The following RRP1B variants were observed in gnomAD, a reference collection of about 807,000 sequenced individuals.
RRP1B encodes ribosomal RNA processing 1B, also known as ribosomal RNA processing protein 1 homolog B.
In RRP1B, 56 loss-of-function variants were observed where a neutral mutation model predicts 80.2. The ratio of observed to expected loss-of-function variants is 0.70; its 90% CI spans 0.56 to 0.87. The LOEUF (loss-of-function observed/expected upper bound fraction) is 0.87. Among genes scored for constraint, RRP1B ranks in the 40% least tolerant of loss-of-function variants. RRP1B has a pLI of 0.00. For missense variants in RRP1B, 807 were observed against 939.8 expected (o/e 0.86, Z 1.85); for synonymous variants, 351 against 357.6 (o/e 0.98, Z 0.21).
At chr21:43,686,780 A>T in intron 11 of RRP1B, 24 bp from the exon 12 acceptor site, 1 of 1,613,484 alleles carries the variant, frequency 6.2e-7, no homozygotes, top group Non-Finnish European at 8.5e-7. Context: ...GGGGAAGCTA[A>T]CAGTGTGTCA....
rs2083065155 is a variant in RRP1B, at chr21:43,686,869, A to G, written c.1075A>G (p.Ser359Gly). 6.2e-7 allele frequency: 1 copy of G among 1,613,924 alleles called. No homozygotes were observed. Among genetic ancestry groups the G allele is most frequent in the African/African-American group, 1.3e-5 (1 of 74,922 alleles). ...ISADEDDQILSQGKHKKKGNK... is the reference protein window; with the variant it reads ...ISADEDDQILGQGKHKKKGNK... ...TGCTGATGAAGATGACCAAATCCTCAGTCAAGGAAAGCATAAGAAGAAAGG... is the reference window on the plus strand; with the variant it reads ...TGCTGATGAAGATGACCAAATCCTCGGTCAAGGAAAGCATAAGAAGAAAGG... Residue 359 changes from serine to glycine, a missense_variant, in exon 12 of 16, where the codon AGT (serine) becomes GGT (glycine). By Grantham distance (56) the Ser-to-Gly change is moderately conservative (BLOSUM62 0). Coordinates refer to ENST00000340648, the MANE Select transcript of RRP1B (RefSeq NM_015056.3).
At chr21:43,662,669 A>T (rs1395896107) in intron 1 of RRP1B, among the ~76,000 whole-genome samples, 1 of 152,168 alleles carries the variant, frequency 6.6e-6, no homozygotes, top group African/African-American at 2.4e-5. Context: ...TCTTGCTTTA[A>T]CTGTTCAAGT....
rs180843638 is a variant in RRP1B at position 43,686,107 on chromosome 21, C to G, written c.1009+318C>G. 235 of 211,200 alleles carry G rather than the reference C, an allele frequency of 1.1e-3. 1 individual carries two copies. Among genetic ancestry groups the G allele is most frequent in the African/African-American group, 4.4e-3 (188 of 43,062 alleles). 13.1% of individuals were successfully genotyped at this position (211,200 alleles called of 1,614,324 possible). On this transcript the variant is annotated intron_variant, in intron 11 of 15. Coordinates refer to ENST00000340648, the MANE Select transcript of RRP1B (RefSeq NM_015056.3). ...CTGCACTCCAGCCTGGGTGACACAA[C>G]AAGACCCCAACTTTTAAGAAAGACA...
At chr21:43,669,844 T>C in intron 1 of RRP1B, 40 bp from the exon 2 acceptor site, 1 of 1,405,262 alleles carries the variant, frequency 7.1e-7, no homozygotes, top group Non-Finnish European at 1.0e-6. Flanking sequence ...AGAAAAGAGA[T>C]GCATAGACTC....
intron 3 of RRP1B, among the ~76,000 whole-genome samples, chr21:43,673,317 G>C (rs567777981): frequency 6.6e-6 from 1 of 152,076 alleles, no homozygotes; most frequent in African/African-American, 2.4e-5. Context: ...CAGCCCTTCC[G>C]GTTATTCTGT....
chr21:43,676,704 C>T (rs374757151), intron 7 of RRP1B, 29 bp from the exon 8 acceptor site: 3 of 1,600,348 alleles, frequency 1.9e-6, no homozygotes, highest in Non-Finnish European at 2.6e-6. Context: ...GTTCTCATCA[C>T]ATGCTCTCCG....
chr21:43,685,888 C>A, intron 11 of RRP1B, 99 bp downstream of exon 11: 2 of 1,433,182 alleles, frequency 1.4e-6, no homozygotes, highest in African/African-American at 1.4e-5. Flanking sequence ...ATTGAAAGAA[C>A]TTTACTGAAA....
At chr21:43,676,680 A>G in intron 7 of RRP1B, 53 bp from the exon 8 acceptor site, 1 of 1,528,106 alleles carries the variant, frequency 6.5e-7, no homozygotes, top group South Asian at 1.2e-5. Context: ...TGAAGCCAGA[A>G]GGCCAGGCCG....
intron 8 of RRP1B, among the ~76,000 whole-genome samples, chr21:43,677,607 A>G (rs1252225312): frequency 6.6e-6 from 1 of 152,210 alleles, no homozygotes; most frequent in Non-Finnish European, 1.5e-5. Flanking sequence ...ACATATATAT[A>G]TATTTTTTAA....
chr21:43,676,683 C>A (rs746030130), intron 7 of RRP1B, 50 bp from the exon 8 acceptor site: 1 of 1,542,390 alleles, frequency 6.5e-7, no homozygotes, highest in South Asian at 1.2e-5. Context: ...AGCCAGAAGG[C>A]CAGGCCGTTT....
chr21:43,686,742 G>A, intron 11 of RRP1B, 62 bp from the exon 12 acceptor site: 1 of 1,596,986 alleles, frequency 6.3e-7, no homozygotes, highest in Non-Finnish European at 8.5e-7. Context: ...GCTGCTCTTA[G>A]GCCCCTGGGG....
chr21:43,687,595 C>T lies in RRP1B; in HGVS notation c.1221C>T (p.His407=). 1 of 1,515,986 alleles carries T rather than the reference C, an allele frequency of 6.6e-7. No homozygotes were observed. Among genetic ancestry groups the T allele is most frequent in the Non-Finnish European group, 8.8e-7 (1 of 1,137,990 alleles). The allele number at this position is 1,515,986 out of a possible 1,614,324, so 93.9% of individuals were successfully genotyped here. A position where few individuals can be genotyped will look rare whatever the true frequency, so the allele number is the denominator to read the frequency against. ...QKRRRKKKKK[H]HLQPENPGPG... ...GAAGAAGGAAGAAGAAGAAGAAGCA[C>T]CACCTGCAGCCTGAAAATCCAGGCC... Residue 407 remains histidine (H), a synonymous_variant, in exon 13 of 16, where the codon CAC becomes CAT. Transcript: ENST00000340648.
At chr21:43,682,576 A>G (rs1319118694) in intron 8 of RRP1B, among the ~76,000 whole-genome samples, 1 of 152,230 alleles carries the variant, frequency 6.6e-6, no homozygotes, top group African/African-American at 2.4e-5. Flanking sequence ...ACCTGAGACT[A>G]GGGCCGGATT....
chr21:43,675,125 A>G lies in RRP1B; in HGVS notation c.511A>G (p.Ile171Val). ...TGGAGTGAGATTCCACTTCATTGATATTTACCTGGATGAACTCTCCAAAGT... is the reference window on the plus strand; with the variant it reads ...TGGAGTGAGATTCCACTTCATTGATGTTTACCTGGATGAACTCTCCAAAGT... ...PNGVRFHFID[I>V]YLDELSKVGG... is the part of the protein sequence containing the mutation. Residue 171 changes from isoleucine (I) to valine (V), a missense_variant, in exon 6 of 16, where the codon ATT (isoleucine) becomes GTT (valine). Coordinates refer to ENST00000340648, the MANE Select transcript of RRP1B (RefSeq NM_015056.3). 1 of 1,614,028 alleles carries G rather than the reference A, an allele frequency of 6.2e-7. No homozygotes were observed. Among genetic ancestry groups the G allele is most frequent in the South Asian group, 1.1e-5 (1 of 91,068 alleles).
chr21:43,660,407 T>C (rs1331041188), intron 1 of RRP1B, among the ~76,000 whole-genome samples: 1 of 151,848 alleles, frequency 6.6e-6, no homozygotes, highest in Non-Finnish European at 1.5e-5. Context: ...CTACTAAAAA[T>C]ACAGAATTAG....
chr21:43,683,229 T>C (rs1420586296), intron 8 of RRP1B, 50 bp from the exon 9 acceptor site: 1 of 1,457,586 alleles, frequency 6.9e-7, no homozygotes, highest in East Asian at 2.3e-5. Context: ...AGTAGTCACT[T>C]CTGTGTATTT....
rs1601763024 is a variant in RRP1B at position 43,691,663 on chromosome 21, T to C, written c.2083+161T>C. Among the ~76,000 whole-genome samples the C allele has an allele frequency of 7.0e-6, 1 of 142,598 alleles. No homozygotes were observed. Among genetic ancestry groups the C allele is most frequent in the South Asian group, 2.2e-4 (1 of 4,552 alleles). 93.5% of individuals were successfully genotyped at this position (142,598 alleles called of 152,430 possible). ...TTTTTTTTTTTTTTTTGAGACAGAG[T>C]CTCGCTGCTCTGTCACCCAGGCTGC... On this transcript the variant is annotated intron_variant, in intron 15 of 15. Transcript: ENST00000340648. This position sits in a 1 kb window ranked among gnomAD's most constrained non-coding sequence, Gnocchi z 4.2.
At position 43,690,420 on chromosome 21, in the gene RRP1B, C is replaced by T. The variant is rs751982890; in HGVS notation, c.1999C>T (p.Pro667Ser). The T allele has an allele frequency of 3.1e-6, 5 of 1,614,102 alleles. No homozygotes were observed. The highest frequency in any genetic ancestry group is 2.2e-5 in the East Asian group (1 of 44,874). Residue 667 changes from proline to serine, a missense_variant, in exon 14 of 16, where the codon CCT (proline) becomes TCT (serine). Pro to Ser is a moderately conservative substitution (Grantham distance 74, BLOSUM62 -1). Transcript: ENST00000340648. ...RRAKSSTATH[P>S]PGPAVQLNKT... Reference sequence around the variant, plus strand: ...AGCCAAGAGCAGCACTGCCACCCACCCTCCAGGCCCTGCCGTCCAGGTACG... The same window carrying T: ...AGCCAAGAGCAGCACTGCCACCCACTCTCCAGGCCCTGCCGTCCAGGTACG...
intron 1 of RRP1B, among the ~76,000 whole-genome samples, chr21:43,667,521 AC>A (rs1325988809): frequency 6.6e-6 from 1 of 151,660 alleles, no homozygotes; most frequent in East Asian, 1.9e-4. Context: ...CTGGTCTCAA[AC>A]TCCTGAGCTC....
Sources: allele counts gnomAD v4.1 joint callset (sites outside exome capture counted in the v4.1 genomes callset), GRCh38; gene constraint gnomAD v4.1.1; non-coding constraint Gnocchi (gnomAD v3.1); transcripts MANE v1.5; gene names NCBI Gene and HGNC (gene_info 2026-07-23, HGNC 2026-07-21).